The following NAV1 variants were observed in gnomAD, a reference collection of about 807,000 sequenced individuals.
NAV1 encodes the protein pore membrane and/or filament interacting like protein 3.
A neutral mutation model predicts 175.2 loss-of-function variants in NAV1; 18 were observed. The ratio of observed to expected loss-of-function variants is 0.10; its 90% confidence interval spans 0.07 to 0.15. The LOEUF (loss-of-function observed/expected upper bound fraction) is 0.15, where lower values mean the gene tolerates loss of function less well. NAV1 is among the 10% of genes least tolerant of loss of function. The pLI, the probability that NAV1 is intolerant of heterozygous loss-of-function variation, is 1.00. For synonymous variants in NAV1, 897 were observed against 978.7 expected (o/e 0.92, Z 1.56); for missense variants, 1,731 against 2,436.6 (o/e 0.71, Z 6.10).
At chr1:201,780,513 C>A (rs1558154950) in exon 4 of NAV1, 1 of 1,614,180 alleles carries the variant, frequency 6.2e-7, no homozygotes, top group Non-Finnish European at 8.5e-7. Flanking sequence ...TCACTCAACT[C>A]CCTCCCAAGT....
rs144628196 is a variant in NAV1 at position 201,726,640 on chromosome 1, C to G, written c.1226+7885C>G. On this transcript the variant is annotated intron_variant, in intron 3 of 29. Coordinates refer to ENST00000367296, the Ensembl canonical transcript of NAV1. The stretch of plus-strand genomic sequence containing the variant: ...TCCAGCCTGGGCAACAAGAGCAAAA[C>G]TCCATCTCAAAAAAAAAAAAAAAAA... Among the ~76,000 whole-genome samples the G allele has an allele frequency of 2.2e-3, 298 of 134,202 alleles. 1 individual carries two copies. In the East Asian group the frequency reaches 0.038, roughly 17 times the overall value. The allele number at this position is 134,202 out of a possible 152,430, so 88.0% of individuals were successfully genotyped here. A position where few individuals can be genotyped will look rare whatever the true frequency, so the allele number is the denominator to read the frequency against.
Position 201,782,596 on chromosome 1 carries a change from G to A in NAV1, c.2084G>A (p.Ser695Asn), listed in dbSNP as rs749940906. The A allele has an allele frequency of 6.2e-7, 1 of 1,613,632 alleles. No homozygotes were observed. Among genetic ancestry groups the A allele is most frequent in the South Asian group, 1.1e-5 (1 of 91,058 alleles). Residue 695 changes from serine (S) to asparagine (N), a missense_variant, in exon 6 of 30, where the codon AGC (serine) becomes AAC (asparagine). Coordinates refer to ENST00000367296, the Ensembl canonical transcript of NAV1. The surrounding 1 kb of genome is among the most constrained non-coding windows in gnomAD (Gnocchi z 5.4). Reference sequence around the variant, plus strand: ...GGGCGGGGTGGACCTCGCCCTGTGAGCAGCAGCATTGACCCCAGTCTCCTC... The same window carrying A: ...GGGCGGGGTGGACCTCGCCCTGTGAACAGCAGCATTGACCCCAGTCTCCTC...
chr1:201,798,589 TGAGA>T (rs1362597851), intron 15 of NAV1: 1 of 118,838 alleles, frequency 8.4e-6, no homozygotes. Context: ...CCAGCCTGGG[TGAGA>T]GAGAGACCTG....
rs568312693 is a variant in NAV1, at chr1:201,773,878, A to G, written c.1227-6543A>G. Reference sequence around the variant, plus strand: ...CATCTTCATTGTCCTGTTATATCTGACTCAATCTCTCATATGCTCATTCAG... The same window carrying G: ...CATCTTCATTGTCCTGTTATATCTGGCTCAATCTCTCATATGCTCATTCAG... On this transcript the variant is annotated intron_variant, in intron 3 of 29. Coordinates refer to ENST00000367296, the Ensembl canonical transcript of NAV1. Among the ~76,000 whole-genome samples, 184 of 152,234 alleles carry G rather than the reference A, an allele frequency of 1.2e-3. 2 individuals carry two copies. The highest frequency in any genetic ancestry group is 4.3e-3 in the African/African-American group (179 of 41,542).
At chr1:201,701,742 G>A (rs1024761270) in intron 1 of NAV1, among the ~76,000 whole-genome samples, 1 of 152,350 alleles carries the variant, frequency 6.6e-6, no homozygotes, top group Admixed American at 6.5e-5. Flanking sequence ...AAGTGTCAGT[G>A]AAGATATGGA....
Position 201,810,804 on chromosome 1 carries a change from C to A in NAV1, c.4797+46C>A. ...CTGCCAGCCTTTGTTCATGCCTCAGCCTTCCCTAAGACCCTTCCTCGGCCC... is the reference window on the plus strand; with the variant it reads ...CTGCCAGCCTTTGTTCATGCCTCAGACTTCCCTAAGACCCTTCCTCGGCCC... On this transcript the variant is annotated intron_variant, in intron 24 of 29. Coordinates refer to ENST00000367296, the Ensembl canonical transcript of NAV1. This position sits in a 1 kb window ranked among gnomAD's most constrained non-coding sequence, Gnocchi z 6.0. The A allele has an allele frequency of 6.7e-7, 1 of 1,492,996 alleles. No homozygotes were observed. Among genetic ancestry groups the A allele is most frequent in the South Asian group, 1.2e-5 (1 of 85,788 alleles). 92.5% of individuals were successfully genotyped at this position (1,492,996 alleles called of 1,614,324 possible).
At position 201,694,642 on chromosome 1, in the gene NAV1, G is replaced by C. The variant is rs1433863491; in HGVS notation, c.758-18175G>C. Among the ~76,000 whole-genome samples, 1 of 152,194 alleles carries C rather than the reference G, an allele frequency of 6.6e-6. No homozygotes were observed. The highest frequency in any genetic ancestry group is 2.4e-5 in the African/African-American group (1 of 41,450). On this transcript the variant is annotated intron_variant, in intron 1 of 29. Transcript: ENST00000367296. The surrounding 1 kb of genome is among the most constrained non-coding windows in gnomAD (Gnocchi z 4.2). The stretch of plus-strand genomic sequence containing the variant: ...AGGTACATGCTATTGACAAAGATGA[G>C]AAGTGAACCGGGAGCCGTAAATAGC...
At chr1:201,728,320 A>T (rs934930829) in intron 3 of NAV1, among the ~76,000 whole-genome samples, 4 of 152,078 alleles carry the variant, frequency 2.6e-5, no homozygotes, top group African/African-American at 4.8e-5. Flanking sequence ...GTCCAGGCGC[A>T]GTGGCTCATG....
At chr1:201,660,030 TG>T (rs1669547305) in intron 1 of NAV1, among the ~76,000 whole-genome samples, 2 of 152,192 alleles carry the variant, frequency 1.3e-5, no homozygotes, top group Admixed American at 6.5e-5. Context: ...CAGGTTGCCA[TG>T]GGTGTAGGTA....
At chr1:201,783,830 C>T (rs1676511177) in exon 7 of NAV1, 1 of 1,612,396 alleles carries the variant, frequency 6.2e-7, no homozygotes, top group African/African-American at 1.3e-5. Flanking sequence ...GAGTGGAAGC[C>T]CCAGAGCTGG....
chr1:201,786,629 T>G (rs772984754), intron 9 of NAV1, 52 bp downstream of exon 13: 1 of 1,563,404 alleles, frequency 6.4e-7, no homozygotes, highest in Non-Finnish European at 8.7e-7. Context: ...GGGGTCACCC[T>G]GCAGGGTGAG....
chr1:201,712,584 C>A (rs1001595813), intron 1 of NAV1, among the ~76,000 whole-genome samples: 4 of 152,158 alleles, frequency 2.6e-5, no homozygotes, highest in African/African-American at 9.7e-5. Flanking sequence ...ACACAGAAAG[C>A]CATGCCTGTA....
chr1:201,808,395 G>A lies in NAV1; in HGVS notation c.3846-23G>A. 2.5e-6 allele frequency: 4 copies of A among 1,597,774 alleles called. No individual in the cohort carries two copies. Among genetic ancestry groups the A allele is most frequent in the Non-Finnish European group, 3.4e-6 (4 of 1,171,540 alleles). On this transcript the variant is annotated intron_variant, in intron 18 of 29. Transcript: ENST00000367296. The surrounding 1 kb of genome is among the most constrained non-coding windows in gnomAD (Gnocchi z 5.5). ...CTCTAGTGCTTCTTCATGTAGCCTG[G>A]CTTGACTCTTGCTATCTTACAGGGG...
chr1:201,809,877 A>T, intron 22 of NAV1, 69 bp from the exon 27 acceptor site: 1 of 1,418,096 alleles, frequency 7.1e-7, no homozygotes, highest in Non-Finnish European at 9.8e-7. Flanking sequence ...TCTGATAGAC[A>T]TTCTTTGTTG....
chr1:201,727,580 T>C (rs1672661244), intron 3 of NAV1, among the ~76,000 whole-genome samples: 1 of 152,216 alleles, frequency 6.6e-6, no homozygotes, highest in African/African-American at 2.4e-5. Context: ...CTATGAAGAA[T>C]GTCTTGGGCC....
intron 3 of NAV1, among the ~76,000 whole-genome samples, chr1:201,730,316 A>T (rs576264545): frequency 4.5e-4 from 68 of 152,228 alleles, no homozygotes; most frequent in Non-Finnish European, 8.7e-4. Context: ...ACTCAGATTA[A>T]CTGGCTTGGG....
intron 3 of NAV1, among the ~76,000 whole-genome samples, chr1:201,757,636 A>G (rs141307130): frequency 0.012 from 1,831 of 152,340 alleles, 38 homozygotes; most frequent in African/African-American, 0.038. Flanking sequence ...CTGTCATCAA[A>G]TGACATTCCC....
chr1:201,750,779 C>A lies in NAV1; in HGVS notation c.1227-29642C>A, dbSNP rs1267810640. 2.0e-5 allele frequency among the ~76,000 whole-genome samples: 3 copies of A among 151,968 alleles called. No individual in the cohort carries two copies. The highest frequency in any genetic ancestry group is 6.5e-5 in the Admixed American group (1 of 15,294). ...CAGGCAGGAATTTTTGGCCTGCCTG[C>A]CTTTCTGAGATCGGAGGAGGCCTGG... On this transcript the variant is annotated intron_variant, in intron 3 of 29. Transcript: ENST00000367296. The surrounding 1 kb of genome is among the most constrained non-coding windows in gnomAD (Gnocchi z 4.1).
intron 1 of NAV1, among the ~76,000 whole-genome samples, chr1:201,685,630 C>A (rs1391209491): frequency 2.6e-5 from 4 of 152,154 alleles, no homozygotes; most frequent in African/African-American, 9.7e-5. Context: ...GGTGACAGTC[C>A]CTGCCTGTCC....
Sources: allele counts gnomAD v4.1 joint callset (sites outside exome capture counted in the v4.1 genomes callset), GRCh38; gene constraint gnomAD v4.1.1; non-coding constraint Gnocchi (gnomAD v3.1); transcripts MANE v1.5; gene names NCBI Gene and HGNC (gene_info 2026-07-23, HGNC 2026-07-21).